The following PNPT1 variants were observed in gnomAD, a reference collection of about 807,000 sequenced individuals.
The protein encoded by PNPT1 is polyribonucleotide nucleotidyltransferase 1, mitochondrial.
PNPT1 carries 53 observed loss-of-function variants against 119.5 expected under a neutral mutation model. The ratio of observed to expected loss-of-function variants is 0.44; its 90% CI spans 0.36 to 0.56. The LOEUF (loss-of-function observed/expected upper bound fraction) is 0.56, where lower values mean the gene tolerates loss of function less well. Ranked by LOEUF, PNPT1 falls within the 20% of genes least tolerant of loss-of-function variation. The probability of loss-of-function intolerance (pLI) is 0.00; values close to 1 mark genes in which losing one functional copy is unlikely to be tolerated. For missense variants in PNPT1, 948 were observed against 938.5 expected, an observed-to-expected ratio of 1.01 and a Z score of -0.13; for synonymous variants, 357 against 322.1, an observed-to-expected ratio of 1.11 and a Z score of -1.16.
intron 11 of PNPT1, 33 bp downstream of exon 11, chr2:55,671,286 C>CA: frequency 3.8e-6 from 5 of 1,316,760 alleles, no homozygotes; most frequent in Middle Eastern, 2.6e-4. Flanking sequence ...CTGCCCTCAG[C>CA]AAAAAAATAA....
At chr2:55,641,024 C>T (rs1370060807) in intron 25 of PNPT1, among the ~76,000 whole-genome samples, 1 of 151,948 alleles carries the variant, frequency 6.6e-6, no homozygotes, top group Non-Finnish European at 1.5e-5. Context: ...AAGAGATCAA[C>T]TCCACCCTGG....
chr2:55,635,117 C>A lies in PNPT1; in HGVS notation c.*1120G>T, dbSNP rs1227680116. ...AATTATGACGTCCACATACCATTTA[C>A]TTTTCTGTGGAATTATAAGGTGATA... On this transcript the variant is annotated 3_prime_UTR_variant, in exon 28 of 28. Coordinates refer to ENST00000447944, the MANE Select transcript of PNPT1 (RefSeq NM_033109.5). The A allele has an allele frequency of 6.6e-6, 1 of 152,096 alleles. No homozygotes were observed. Among genetic ancestry groups the A allele is most frequent in the Non-Finnish European group, 1.5e-5 (1 of 68,026 alleles). 9.4% of individuals were successfully genotyped at this position (152,096 alleles called of 1,614,324 possible). A position where few individuals can be genotyped will look rare whatever the true frequency, so the allele number is the denominator to read the frequency against.
intron 8 of PNPT1, among the ~76,000 whole-genome samples, chr2:55,678,036 C>T (rs1572828848): frequency 6.6e-6 from 1 of 152,160 alleles, no homozygotes; most frequent in Non-Finnish European, 1.5e-5. Flanking sequence ...CCACTATGCC[C>T]GGCCATTTCT....
At chr2:55,654,233 G>A (rs960974967) in intron 18 of PNPT1, among the ~76,000 whole-genome samples, 1 of 137,768 alleles carries the variant, frequency 7.3e-6, no homozygotes, top group Non-Finnish European at 1.5e-5. Flanking sequence ...CTTCAGCCTG[G>A]ACAACAGAGC....
At chr2:55,651,090 G>A (rs1477890485) in intron 18 of PNPT1, among the ~76,000 whole-genome samples, 23 of 144,932 alleles carry the variant, frequency 1.6e-4, no homozygotes, top group Admixed American at 1.5e-3. Context: ...CAGCCCCCCC[G>A]CCCAGCCAGC....
intron 2 of PNPT1, 83 bp downstream of exon 2, chr2:55,687,562 G>C (rs1209891264): frequency 2.5e-5 from 24 of 971,562 alleles, no homozygotes; most frequent in Non-Finnish European, 3.2e-5. Context: ...ATTCTAAGTA[G>C]TTACACGATG....
intron 1 of PNPT1, among the ~76,000 whole-genome samples, chr2:55,691,879 T>TATATATATATATATA (rs1491131806): frequency 7.1e-4 from 6 of 8,504 alleles, no homozygotes; most frequent in South Asian, 4.2e-3. Context: ...TATATATATA[T>TATATATATATATATA]TTTTTTTTTT....
chr2:55,669,399 T>C (rs1192232139), intron 11 of PNPT1, among the ~76,000 whole-genome samples: 1 of 152,216 alleles, frequency 6.6e-6, no homozygotes, highest in African/African-American at 2.4e-5. Flanking sequence ...GTATGGTTTA[T>C]TAAACATAAC....
chr2:55,682,825 C>A (rs1237976290), intron 5 of PNPT1, among the ~76,000 whole-genome samples: 1 of 151,972 alleles, frequency 6.6e-6, no homozygotes, highest in Non-Finnish European at 1.5e-5. Flanking sequence ...GGGAGGATCA[C>A]TTGGGCTCAG....
intron 2 of PNPT1, among the ~76,000 whole-genome samples, chr2:55,686,689 T>C (rs1476328637): frequency 2.6e-5 from 4 of 152,218 alleles, no homozygotes; most frequent in African/African-American, 9.7e-5. Flanking sequence ...TTGAATAGTA[T>C]TCTCTACTTC....
At position 55,686,393 on chromosome 2, in the gene PNPT1, G is replaced by T; in HGVS notation, c.274C>A (p.Pro92Thr). The change falls in exon 3 of 28, where the codon CCT becomes ACT. Residue 92 changes from proline to threonine, a missense_variant. Pro to Thr is a conservative substitution (Grantham distance 38). Transcript: ENST00000447944. ...VTAVSKTKPS[P>T]SQFMPLVVDY... ...ACCACCAAAGGCATAAACTGGGAAG[G>T]GGAAGGTTTTGTTTTACTGACCGCT... 1 of 1,613,558 alleles carries T rather than the reference G, an allele frequency of 6.2e-7. No individual in the cohort carries two copies. The highest frequency in any genetic ancestry group is 1.3e-5 in the African/African-American group (1 of 75,004).
intron 8 of PNPT1, among the ~76,000 whole-genome samples, chr2:55,675,660 T>A (rs1697044547): frequency 6.6e-6 from 1 of 152,026 alleles, no homozygotes. Context: ...ATCACACCAT[T>A]GCATTCCAGC....
chr2:55,672,720 TG>T (rs1320674993), intron 9 of PNPT1, among the ~76,000 whole-genome samples, 172 bp downstream of exon 9: 8 of 152,242 alleles, frequency 5.3e-5, no homozygotes, highest in African/African-American at 1.9e-4. Context: ...AAGAGTGATG[TG>T]GGCTTATCCT....
intron 21 of PNPT1, among the ~76,000 whole-genome samples, chr2:55,645,971 G>T (rs547255567): frequency 6.6e-6 from 1 of 151,958 alleles, no homozygotes; most frequent in East Asian, 1.9e-4. Flanking sequence ...GGGATTACAG[G>T]TATGCACCAC....
intron 1 of PNPT1, among the ~76,000 whole-genome samples, chr2:55,689,707 T>G (rs1326563567): frequency 6.6e-6 from 1 of 152,084 alleles, no homozygotes; most frequent in Non-Finnish European, 1.5e-5. Context: ...AAACGCTAAG[T>G]GACTACTACT....
chr2:55,654,260 A>AC (rs1696311592), intron 18 of PNPT1, among the ~76,000 whole-genome samples: 1 of 151,556 alleles, frequency 6.6e-6, no homozygotes, highest in East Asian at 1.9e-4. Flanking sequence ...CTGTCTCAAA[A>AC]AAAAAAAAAA....
intron 7 of PNPT1, 36 bp downstream of exon 7, chr2:55,680,676 A>G: frequency 6.3e-7 from 1 of 1,575,658 alleles, no homozygotes; most frequent in Non-Finnish European, 8.6e-7. Context: ...AAAAAAAAAT[A>G]CACATATGAT....
chr2:55,683,209 T>C (rs1483675167), intron 5 of PNPT1, among the ~76,000 whole-genome samples: 3 of 152,202 alleles, frequency 2.0e-5, no homozygotes, highest in Admixed American at 2.0e-4. Flanking sequence ...CATTAATTTC[T>C]TTCCTGCCTC....
At position 55,683,797 on chromosome 2, in the gene PNPT1, G is replaced by A; in HGVS notation, c.441C>T (p.Phe147=). 6.2e-7 allele frequency: 1 copy of A among 1,613,338 alleles called. No individual in the cohort carries two copies. The highest frequency in any genetic ancestry group is 8.5e-7 in the Non-Finnish European group (1 of 1,179,590). ...AAGCAGAATCTACCTGTGTATCATAGAAGTAGCCAGCTGGAAAGAGCGGTC... is the reference window on the plus strand; with the variant it reads ...AAGCAGAATCTACCTGTGTATCATAAAAGTAGCCAGCTGGAAAGAGCGGTC... ...SIRPLFPAGY[F]YDTQVLCNLL... The change falls in exon 5 of 28, where the codon TTC becomes TTT. Residue 147 remains phenylalanine (F), a synonymous_variant. Coordinates refer to ENST00000447944, the MANE Select transcript of PNPT1 (RefSeq NM_033109.5).
Sources: gnomAD v4.1 joint callset for allele counts (sites outside exome capture counted in the v4.1 genomes callset) on GRCh38, gnomAD v4.1.1 for gene constraint, MANE v1.5 for transcripts, NCBI Gene and HGNC (gene_info 2026-07-23, HGNC 2026-07-21) for gene names.